LINGO2: variants seen among roughly 807,000 people sequenced by gnomAD.
LINGO2 encodes leucine-rich repeat and immunoglobulin-like domain-containing nogo receptor-interacting protein 2.
In LINGO2, 14 loss-of-function variants were observed where a neutral mutation model predicts 30.6. The observed-to-expected ratio is 0.46, with a 90% CI of 0.30 to 0.72. The LOEUF (loss-of-function observed/expected upper bound fraction) is 0.72, where lower values mean the gene tolerates loss of function less well. Ranked by LOEUF, LINGO2 falls within the 30% of genes least tolerant of loss-of-function variation. The probability of loss-of-function intolerance (pLI) is 0.07; values close to 1 mark genes in which losing one functional copy is unlikely to be tolerated. For missense variants in LINGO2, 729 were observed against 751.7 expected, an observed-to-expected ratio of 0.97 and a Z score of 0.35; for synonymous variants, 317 against 288.5, an observed-to-expected ratio of 1.10 and a Z score of -1.00.
At chr9:29,017,359 G>C in the LINGO2 span, among the ~76,000 whole-genome samples, 1 of 152,104 alleles carries the variant, frequency 6.6e-6, no homozygotes, top group African/African-American at 2.4e-5. Flanking sequence ...CACAGACTTT[G>C]ATTCTCAGCT....
At chr9:28,739,296 G>T in the LINGO2 span, among the ~76,000 whole-genome samples, 2 of 151,518 alleles carry the variant, frequency 1.3e-5, no homozygotes, top group African/African-American at 2.4e-5. Context: ...TATTTAATGA[G>T]AAAAGAAAAA....
the LINGO2 span, among the ~76,000 whole-genome samples, chr9:28,867,599 A>T: frequency 6.6e-6 from 1 of 152,084 alleles, no homozygotes; most frequent in Non-Finnish European, 1.5e-5. Flanking sequence ...AAAAAGAAAA[A>T]CTTTCATTAT....
the LINGO2 span, among the ~76,000 whole-genome samples, chr9:29,089,446 T>C: frequency 6.6e-6 from 1 of 151,938 alleles, no homozygotes; most frequent in Admixed American, 6.6e-5. Flanking sequence ...GATCTTCTCA[T>C]AAATAATGAT....
At chr9:28,779,462 C>A in the LINGO2 span, among the ~76,000 whole-genome samples, 1 of 152,070 alleles carries the variant, frequency 6.6e-6, no homozygotes, top group African/African-American at 2.4e-5. Context: ...TATTGCAAAA[C>A]CATGTGTTTT....
At chr9:28,836,658 GTTTTAGT>G in the LINGO2 span, among the ~76,000 whole-genome samples, 1 of 151,952 alleles carries the variant, frequency 6.6e-6, no homozygotes, top group African/African-American at 2.4e-5. Context: ...TTCAATATTT[GTTTTAGT>G]TTTTAATTTT....
intron 2 of LINGO2, among the ~76,000 whole-genome samples, chr9:28,391,191 A>G (rs1357750709): frequency 6.6e-6 from 1 of 152,208 alleles, no homozygotes; most frequent in Non-Finnish European, 1.5e-5. Context: ...ATTCAATGAA[A>G]TGAGAAATTT....
intron 1 of LINGO2, among the ~76,000 whole-genome samples, chr9:28,482,524 G>A (rs1826013548): frequency 6.6e-6 from 1 of 151,864 alleles, no homozygotes; most frequent in Admixed American, 6.6e-5. Context: ...CTGGATATTA[G>A]CCCTTTGTCA....
In LINGO2 at chr9:28,277,911, C is replaced by T. The variant is rs371832618; in HGVS notation, c.-87+17297G>A. 1.1e-4 allele frequency among the ~76,000 whole-genome samples: 16 copies of T among 150,706 alleles called. No individual in the cohort carries two copies. In the East Asian group the frequency reaches 2.5e-3, roughly 24 times the overall value. ...GAGAAAGGTATGTGGAAAGTCCAGA[C>T]GGGCTGAAAGCTGGGCCTCTTAACC... On this transcript the variant is annotated intron_variant, in intron 4 of 5. Transcript: ENST00000379992.
rs1827892170 is a variant in LINGO2 at position 28,148,763 on chromosome 9, A to G, written c.-86-136358T>C. 2.0e-6 allele frequency: 3 copies of G among 1,533,974 alleles called. No homozygotes were observed. The highest frequency in any genetic ancestry group is 2.6e-6 in the Non-Finnish European group (3 of 1,146,582). ...CTTTGGGAAGCCTGACCCACTTCCA[A>G]CAGTGCTCCCTGCCCCAGTTCCAGG... On this transcript the variant is annotated intron_variant, in intron 4 of 5. Coordinates refer to ENST00000379992, the Ensembl canonical transcript of LINGO2. This position sits in a 1 kb window ranked among gnomAD's most constrained non-coding sequence, Gnocchi z 5.1.
intron 1 of LINGO2, among the ~76,000 whole-genome samples, chr9:28,633,871 T>C (rs10812856): frequency 0.25 from 38,328 of 152,102 alleles, 5,232 homozygotes; most frequent in African/African-American, 0.35. Context: ...GTAAATAGTT[T>C]AGAATTTTGC....
At chr9:28,034,298 C>CA (rs1469871383) in intron 4 of LINGO2, among the ~76,000 whole-genome samples, 8 of 152,208 alleles carry the variant, frequency 5.3e-5, no homozygotes, top group Non-Finnish European at 1.2e-4. Flanking sequence ...CCGATTATTT[C>CA]ACTTTCTTTC....
intron 4 of LINGO2, among the ~76,000 whole-genome samples, chr9:28,103,292 A>G (rs550989771): frequency 9.2e-5 from 14 of 152,262 alleles, no homozygotes; most frequent in South Asian, 8.3e-4. Flanking sequence ...TAGATTACAT[A>G]AACGGTCATG....
At chr9:27,993,236 T>A (rs1213155776) in intron 5 of LINGO2, among the ~76,000 whole-genome samples, 1 of 152,162 alleles carries the variant, frequency 6.6e-6, no homozygotes, top group Admixed American at 6.5e-5. Context: ...CCTTTTCACA[T>A]GCATCCAAAG....
At chr9:28,610,772 A>G (rs985451001) in intron 1 of LINGO2, among the ~76,000 whole-genome samples, 6 of 152,214 alleles carry the variant, frequency 3.9e-5, no homozygotes, top group Admixed American at 1.3e-4. Context: ...ATAGAATGGT[A>G]GCAAATGGGC....
intron 1 of LINGO2, among the ~76,000 whole-genome samples, chr9:28,633,807 G>C (rs1038644707): frequency 1.6e-4 from 25 of 152,158 alleles, no homozygotes; most frequent in Non-Finnish European, 3.2e-4. Context: ...CCAGGCAGCT[G>C]ACAGCCCCAA....
intron 2 of LINGO2, among the ~76,000 whole-genome samples, chr9:28,433,949 C>CTA (rs375073572): frequency 6.8e-5 from 6 of 88,538 alleles, no homozygotes; most frequent in African/African-American, 2.2e-4. Context: ...CTCTCTCTCT[C>CTA]TATATATATA....
chr9:29,130,902 T>G, the LINGO2 span, among the ~76,000 whole-genome samples: 1 of 152,080 alleles, frequency 6.6e-6, no homozygotes. Context: ...GTCAAGCCTG[T>G]GATACCTGAA....
intron 1 of LINGO2, among the ~76,000 whole-genome samples, chr9:28,640,515 CTT>C (rs151049514): frequency 7.2e-6 from 1 of 139,458 alleles, no homozygotes. Context: ...AGGCCTTGTT[CTT>C]TTTTTTTTTT....
At chr9:28,331,558 T>C (rs1310597908) in intron 3 of LINGO2, among the ~76,000 whole-genome samples, 1 of 152,086 alleles carries the variant, frequency 6.6e-6, no homozygotes, top group Non-Finnish European at 1.5e-5. Context: ...CAGGCTACAG[T>C]GCAATGGCCT....
Sources: gnomAD v4.1 joint callset for allele counts (sites outside exome capture counted in the v4.1 genomes callset) on GRCh38, gnomAD v4.1.1 for gene constraint, Gnocchi (gnomAD v3.1) non-coding constraint, MANE v1.5 for transcripts, NCBI Gene and HGNC (gene_info 2026-07-23, HGNC 2026-07-21) for gene names.